KCNIP4: variants seen among roughly 807,000 people sequenced by gnomAD.
KCNIP4 encodes potassium voltage-gated channel interacting protein 4.
A neutral mutation model predicts 34.0 loss-of-function variants in KCNIP4; 12 were observed. The observed-to-expected ratio is 0.35, with a 90% CI of 0.23 to 0.57. The LOEUF is 0.57. Ranked by LOEUF, KCNIP4 falls within the 20% of genes least tolerant of loss-of-function variation. The probability of loss-of-function intolerance (pLI) is 0.83; values close to 1 mark genes in which losing one functional copy is unlikely to be tolerated. For missense variants in KCNIP4, 238 were observed against 311.7 expected, an observed-to-expected ratio of 0.76 and a Z score of 1.78; for synonymous variants, 124 against 102.2, an observed-to-expected ratio of 1.21 and a Z score of -1.29.
chr4:21,377,422 C>G (rs1313472984), intron 1 of KCNIP4, among the ~76,000 whole-genome samples: 1 of 152,164 alleles, frequency 6.6e-6, no homozygotes, highest in Non-Finnish European at 1.5e-5. Flanking sequence ...TACAATGAAT[C>G]ATGAAAGACA....
At chr4:21,920,183 T>G (rs1728860531) in intron 1 of KCNIP4, among the ~76,000 whole-genome samples, 1 of 152,128 alleles carries the variant, frequency 6.6e-6, no homozygotes, top group African/African-American at 2.4e-5. Context: ...ATGCAAAGGG[T>G]CAAATCATAC....
At chr4:21,779,165 T>C (rs1719409911) in intron 1 of KCNIP4, among the ~76,000 whole-genome samples, 1 of 152,200 alleles carries the variant, frequency 6.6e-6, no homozygotes, top group South Asian at 2.1e-4. Flanking sequence ...TTTAGAAATA[T>C]GTAAACATTT....
intron 1 of KCNIP4, among the ~76,000 whole-genome samples, chr4:21,365,790 A>G (rs1443268285): frequency 2.0e-5 from 3 of 152,164 alleles, no homozygotes; most frequent in East Asian, 1.9e-4. Flanking sequence ...GATCAGGATG[A>G]TATGTTTTTG....
At chr4:21,126,562 A>G (rs1441722642) in intron 1 of KCNIP4, among the ~76,000 whole-genome samples, 1 of 143,930 alleles carries the variant, frequency 6.9e-6, no homozygotes, top group African/African-American at 2.6e-5. Flanking sequence ...ACAAAATTCA[A>G]CTTTTTGACA....
chr4:21,845,601 G>A (rs2109327206), intron 1 of KCNIP4: 1 of 152,086 alleles, frequency 6.6e-6, no homozygotes, highest in African/African-American at 2.4e-5. Flanking sequence ...GCAAAAGGAA[G>A]TTACATAGGA....
intron 1 of KCNIP4, among the ~76,000 whole-genome samples, chr4:21,523,213 T>C (rs557825917): frequency 6.6e-6 from 1 of 152,176 alleles, no homozygotes; most frequent in East Asian, 1.9e-4. Context: ...GGTACCAAGC[T>C]TATGGTATTT....
At chr4:20,848,935 G>T (rs1314450730) in intron 3 of KCNIP4, among the ~76,000 whole-genome samples, 2 of 152,068 alleles carry the variant, frequency 1.3e-5, no homozygotes, top group Non-Finnish European at 2.9e-5. Context: ...GCCCAGATTG[G>T]TCTTTTACAC....
intron 1 of KCNIP4, among the ~76,000 whole-genome samples, chr4:21,100,554 A>C (rs1389883541): frequency 6.6e-6 from 1 of 152,110 alleles, no homozygotes; most frequent in Non-Finnish European, 1.5e-5. Context: ...TGCTGTCTCA[A>C]AAAAATAAAT....
chr4:20,900,652 C>T (rs1310451747), intron 1 of KCNIP4, among the ~76,000 whole-genome samples: 1 of 152,148 alleles, frequency 6.6e-6, no homozygotes, highest in African/African-American at 2.4e-5. Context: ...AAAGCAGAAC[C>T]TTCAAACTTG....
At chr4:21,534,445 C>G (rs1736987838) in intron 1 of KCNIP4, among the ~76,000 whole-genome samples, 1 of 151,774 alleles carries the variant, frequency 6.6e-6, no homozygotes, top group Non-Finnish European at 1.5e-5. Context: ...TGTACTATTC[C>G]CATTTTGCAG....
At chr4:20,959,699 T>G (rs1733662218) in intron 1 of KCNIP4, among the ~76,000 whole-genome samples, 1 of 152,178 alleles carries the variant, frequency 6.6e-6, no homozygotes, top group Admixed American at 6.5e-5. Context: ...GGTTTCTGTT[T>G]GTGTATCTCT....
At position 21,934,831 on chromosome 4, in the gene KCNIP4, T is replaced by C. The variant is rs1415633269; in HGVS notation, c.61+13740A>G. Among the ~76,000 whole-genome samples the C allele has an allele frequency of 4.6e-5, 7 of 152,142 alleles. No individual in the cohort carries two copies. In the East Asian group the frequency reaches 1.3e-3, roughly 29 times the overall value. On this transcript the variant is annotated intron_variant, in intron 1 of 8. Coordinates refer to ENST00000382152, the MANE Select transcript of KCNIP4 (RefSeq NM_025221.6). ...GGATGTGTGACTTTGGGCAAGTTGC[T>C]TAACCCCTTTGAGCCTCAATTTACT...
intron 1 of KCNIP4, among the ~76,000 whole-genome samples, chr4:21,026,313 T>C (rs991338458): frequency 1.9e-4 from 29 of 152,318 alleles, no homozygotes; most frequent in Middle Eastern, 3.4e-3. Flanking sequence ...CTCGTTATTA[T>C]AGCTCTTGTT....
chr4:21,278,574 C>G (rs1355345557), intron 1 of KCNIP4, among the ~76,000 whole-genome samples: 2 of 152,026 alleles, frequency 1.3e-5, no homozygotes, highest in South Asian at 4.1e-4. Context: ...TGTAAAATAG[C>G]AGAGACATGG....
chr4:20,913,098 A>G (rs963266692), intron 1 of KCNIP4, among the ~76,000 whole-genome samples: 4 of 152,200 alleles, frequency 2.6e-5, no homozygotes, highest in South Asian at 2.1e-4. Context: ...CAGCAGCATT[A>G]TTCACAGTAG....
At chr4:21,018,929 A>G (rs750856916) in intron 1 of KCNIP4, among the ~76,000 whole-genome samples, 7 of 152,294 alleles carry the variant, frequency 4.6e-5, no homozygotes, top group Admixed American at 4.6e-4. Flanking sequence ...ACTTAGTTGT[A>G]TTAGTTTACT....
At chr4:21,665,339 C>T (rs1748765544) in intron 1 of KCNIP4, among the ~76,000 whole-genome samples, 1 of 152,008 alleles carries the variant, frequency 6.6e-6, no homozygotes, top group Non-Finnish European at 1.5e-5. Flanking sequence ...AGGTCGTGGG[C>T]AGAGAAGCCT....
intron 1 of KCNIP4, among the ~76,000 whole-genome samples, chr4:21,286,803 C>G (rs940614917): frequency 6.6e-5 from 10 of 152,104 alleles, no homozygotes; most frequent in Non-Finnish European, 1.5e-5. Context: ...CAAATTATAG[C>G]ATGTAAACCA....
intron 1 of KCNIP4, among the ~76,000 whole-genome samples, chr4:21,830,644 A>G (rs1722928758): frequency 6.6e-6 from 1 of 152,144 alleles, no homozygotes; most frequent in South Asian, 2.1e-4. Flanking sequence ...ACTACACTCA[A>G]GCCTGGGTGA....
Sources: allele counts gnomAD v4.1 joint callset (sites outside exome capture counted in the v4.1 genomes callset), GRCh38; gene constraint gnomAD v4.1.1; transcripts MANE v1.5; gene names NCBI Gene and HGNC (gene_info 2026-07-23, HGNC 2026-07-21).